Variants in PCDHGA6 observed in about 807,000 individuals in gnomAD.
The protein encoded by PCDHGA6 is protocadherin gamma subfamily A, 6, also known as protocadherin gamma-A6.
Under a neutral mutation model 60.6 loss-of-function variants are expected in PCDHGA6, and 41 were observed. The observed-to-expected ratio is 0.68, with a 90% CI of 0.53 to 0.88. The LOEUF is 0.88. Among genes scored for constraint, PCDHGA6 ranks in the 40% least tolerant of loss-of-function variants. The pLI is 0.00. For missense variants in PCDHGA6, 1,312 were observed against 1,203.0 expected (o/e 1.09, Z -1.34); for synonymous variants, 594 against 524.4 (o/e 1.13, Z -1.81).
intron 1 of PCDHGA6, among the ~76,000 whole-genome samples, chr5:141,420,581 C>T (rs1024544346): frequency 2.6e-5 from 4 of 151,994 alleles, no homozygotes; most frequent in Admixed American, 6.5e-5. Flanking sequence ...TAATTGAAAC[C>T]CTGATGCTAC....
chr5:141,409,196 A>G (rs1197077093), intron 1 of PCDHGA6: 2 of 1,613,926 alleles, frequency 1.2e-6, no homozygotes, highest in Non-Finnish European at 1.7e-6. Flanking sequence ...TACCCAGTGT[A>G]AAGTAATCAT....
At chr5:141,395,079 G>C in intron 1 of PCDHGA6, 1 of 1,614,142 alleles carries the variant, frequency 6.2e-7, no homozygotes, top group Non-Finnish European at 8.5e-7. Flanking sequence ...CTATTCCCAG[G>C]AAGTCTCCCT....
chr5:141,476,157 G>A lies in PCDHGA6; in HGVS notation c.2425-18650G>A. On this transcript the variant is annotated intron_variant, in intron 1 of 3. Transcript: ENST00000517434. The surrounding 1 kb of genome is among the most constrained non-coding windows in gnomAD (Gnocchi z 7.6). ...TGGAGGAGCGGACTGGTAAGCACCG[G>A]GAGGGTAGTGGGAGTTTTGCTTCTG... 1 of 1,612,752 alleles carries A rather than the reference G, an allele frequency of 6.2e-7. No homozygotes were observed. Among genetic ancestry groups the A allele is most frequent in the Non-Finnish European group, 8.5e-7 (1 of 1,179,898 alleles).
chr5:141,489,084 C>A lies in PCDHGA6; in HGVS notation c.2425-5723C>A. On this transcript the variant is annotated intron_variant, in intron 1 of 3. Coordinates refer to ENST00000517434, the MANE Select transcript of PCDHGA6 (RefSeq NM_018919.3). The surrounding 1 kb of genome is among the most constrained non-coding windows in gnomAD (Gnocchi z 4.5). Reference sequence around the variant, plus strand: ...CTCCCCCCTGCCCACCCCCGCCACTCGGTGACTAAGAACTGCTGCAAGCAG... The same window carrying A: ...CTCCCCCCTGCCCACCCCCGCCACTAGGTGACTAAGAACTGCTGCAAGCAG... The A allele has an allele frequency of 9.1e-6, 3 of 329,124 alleles. No homozygotes were observed. The highest frequency in any genetic ancestry group is 1.1e-5 in the Non-Finnish European group (2 of 186,464). The allele number at this position is 329,124 out of a possible 1,614,324, so 20.4% of individuals were successfully genotyped here. A position where few individuals can be genotyped will look rare whatever the true frequency, so the allele number is the denominator to read the frequency against.
chr5:141,478,590 A>T, intron 1 of PCDHGA6: 1 of 1,573,342 alleles, frequency 6.4e-7, no homozygotes, highest in South Asian at 1.1e-5. Flanking sequence ...GTGCTTTTTT[A>T]TTCCTACATC....
rs2099883943 is a variant in PCDHGA6, at chr5:141,511,766, G to A, written c.*593G>A. ...TGGAGGACATGATCACCATCCCCAT[G>A]GTACTGATGCTTGCTGGATTTAGGG... On this transcript the variant is annotated 3_prime_UTR_variant, in exon 4 of 4. Coordinates refer to ENST00000517434, the MANE Select transcript of PCDHGA6 (RefSeq NM_018919.3). 2 of 161,712 alleles carry A rather than the reference G, an allele frequency of 1.2e-5. No homozygotes were observed. Among genetic ancestry groups the A allele is most frequent in the Non-Finnish European group, 2.8e-5 (2 of 72,704 alleles). The allele number at this position is 161,712 out of a possible 1,614,324, so 10.0% of individuals were successfully genotyped here.
At chr5:141,415,046 G>C in intron 1 of PCDHGA6, 1 of 1,613,468 alleles carries the variant, frequency 6.2e-7, no homozygotes, top group Non-Finnish European at 8.5e-7. Context: ...TTCGCGGTGG[G>C]GGAGCACACG....
intron 1 of PCDHGA6, chr5:141,377,997 G>C (rs1774530725): frequency 6.6e-6 from 1 of 152,122 alleles, no homozygotes; most frequent in African/African-American, 2.4e-5. Flanking sequence ...CCTAAAGCTT[G>C]GCTCAAATAA....
rs1011341002 is a variant in PCDHGA6, at chr5:141,476,141, G to T, written c.2425-18666G>T. 1 of 1,610,048 alleles carries T rather than the reference G, an allele frequency of 6.2e-7. No individual in the cohort carries two copies. The highest frequency in any genetic ancestry group is 2.2e-5 in the East Asian group (1 of 44,844). On this transcript the variant is annotated intron_variant, in intron 1 of 3. Coordinates refer to ENST00000517434, the MANE Select transcript of PCDHGA6 (RefSeq NM_018919.3). The surrounding 1 kb of genome is among the most constrained non-coding windows in gnomAD (Gnocchi z 7.6). ...GATGGTCCCAGAGGCCTGGAGGAGC[G>T]GACTGGTAAGCACCGGGAGGGTAGT...
At chr5:141,430,946 G>A (rs2097328634) in intron 1 of PCDHGA6, 1 of 1,609,494 alleles carries the variant, frequency 6.2e-7, no homozygotes, top group Non-Finnish European at 8.5e-7. Flanking sequence ...CGCGGAGCGC[G>A]GAGTCCGCAT....
At chr5:141,433,056 G>A (rs1422450948) in intron 1 of PCDHGA6, 1 of 1,614,204 alleles carries the variant, frequency 6.2e-7, no homozygotes, top group South Asian at 1.1e-5. Context: ...TCGCGGAAGA[G>A]TCACCTGATC....
rs1486554010 is a variant in PCDHGA6 at position 141,431,630 on chromosome 5, G to C, written c.2424+55123G>C. Reference sequence around the variant, plus strand: ...GTATGTGGACGACAAGGCGGCCCAAGTTTTCAAACTAGATTGTAATTCAGG... The same window carrying C: ...GTATGTGGACGACAAGGCGGCCCAACTTTTCAAACTAGATTGTAATTCAGG... On this transcript the variant is annotated intron_variant, in intron 1 of 3. Transcript: ENST00000517434. This position sits in a 1 kb window ranked among gnomAD's most constrained non-coding sequence, Gnocchi z 4.8. 6.2e-7 allele frequency: 1 copy of C among 1,614,250 alleles called. No individual in the cohort carries two copies. Among genetic ancestry groups the C allele is most frequent in the East Asian group, 2.2e-5 (1 of 44,882 alleles).
intron 2 of PCDHGA6, among the ~76,000 whole-genome samples, chr5:141,499,573 A>AT (rs2099792803): frequency 1.3e-5 from 2 of 152,108 alleles, no homozygotes; most frequent in Non-Finnish European, 2.9e-5. Context: ...AGCTTCAACT[A>AT]ATGCCTTATC....
chr5:141,443,947 T>C (rs2098410978), intron 1 of PCDHGA6, among the ~76,000 whole-genome samples: 1 of 152,082 alleles, frequency 6.6e-6, no homozygotes, highest in Non-Finnish European at 1.5e-5. Flanking sequence ...GGTTTCCTTA[T>C]TGGTATGTAT....
At chr5:141,402,221 G>T (rs567791316) in intron 1 of PCDHGA6, among the ~76,000 whole-genome samples, 1 of 151,824 alleles carries the variant, frequency 6.6e-6, no homozygotes, top group East Asian at 1.9e-4. Flanking sequence ...TAAAATAAAC[G>T]TTTTTCCAGG....
chr5:141,448,135 TA>T (rs2098567569), intron 1 of PCDHGA6, among the ~76,000 whole-genome samples: 1 of 151,880 alleles, frequency 6.6e-6, no homozygotes, highest in South Asian at 2.1e-4. Flanking sequence ...CCACCCTCAC[TA>T]TACCTCAGAC....
At chr5:141,461,302 T>A (rs1009664719) in intron 1 of PCDHGA6, among the ~76,000 whole-genome samples, 3 of 152,142 alleles carry the variant, frequency 2.0e-5, no homozygotes. Flanking sequence ...CAACATCTAT[T>A]GTTTTTTGAC....
intron 1 of PCDHGA6, chr5:141,383,623 T>C: frequency 6.2e-7 from 1 of 1,613,932 alleles, no homozygotes; most frequent in South Asian, 1.1e-5. Flanking sequence ...CACGCCTGTC[T>C]TCTCTCTGCC....
intron 1 of PCDHGA6, chr5:141,405,386 T>C (rs2094651618): frequency 6.9e-6 from 11 of 1,595,500 alleles, no homozygotes; most frequent in Non-Finnish European, 7.7e-6. Flanking sequence ...GGTGAGTTCA[T>C]TTTTTTTCTT....
Sources: allele counts gnomAD v4.1 joint callset (sites outside exome capture counted in the v4.1 genomes callset), GRCh38; gene constraint gnomAD v4.1.1; non-coding constraint Gnocchi (gnomAD v3.1); transcripts MANE v1.5; gene names NCBI Gene and HGNC (gene_info 2026-07-23, HGNC 2026-07-21).